Variants in DPP6 observed in about 807,000 individuals in gnomAD.
DPP6 encodes dipeptidyl peptidase like 6.
A neutral mutation model predicts 122.6 loss-of-function variants in DPP6; 69 were observed. The observed-to-expected ratio is 0.56, with a 90% CI of 0.46 to 0.69. The LOEUF (loss-of-function observed/expected upper bound fraction) is 0.69. DPP6 is among the 30% of genes least tolerant of loss of function. The pLI, the probability that DPP6 is intolerant of heterozygous loss-of-function variation, is 0.00. For synonymous variants in DPP6, 418 were observed against 433.1 expected, an observed-to-expected ratio of 0.97 and a Z score of 0.43; for missense variants, 928 against 1,116.9, an observed-to-expected ratio of 0.83 and a Z score of 2.41.
the DPP6 span, among the ~76,000 whole-genome samples, chr7:153,816,883 T>C: frequency 6.6e-6 from 1 of 151,960 alleles, no homozygotes; most frequent in Non-Finnish European, 1.5e-5. Flanking sequence ...TCTCCCCGTC[T>C]CCCAACTGTA....
At chr7:154,115,570 C>G (rs1806926250) in intron 1 of DPP6, among the ~76,000 whole-genome samples, 1 of 152,156 alleles carries the variant, frequency 6.6e-6, no homozygotes, top group Non-Finnish European at 1.5e-5. Flanking sequence ...TGGGTGGGGT[C>G]TACTCCTGAG....
chr7:154,078,038 G>A (rs1803697271), intron 1 of DPP6, among the ~76,000 whole-genome samples: 1 of 152,086 alleles, frequency 6.6e-6, no homozygotes, highest in Admixed American at 6.6e-5. Context: ...AGTATCCTCT[G>A]TAAACTTAGA....
chr7:154,284,807 A>T (rs898713567), intron 1 of DPP6, among the ~76,000 whole-genome samples: 1 of 152,226 alleles, frequency 6.6e-6, no homozygotes, highest in African/African-American at 2.4e-5. Flanking sequence ...GTGAGCAAAG[A>T]CTGGGCCACT....
chr7:154,314,193 A>T (rs180968969), intron 1 of DPP6, among the ~76,000 whole-genome samples: 1 of 152,190 alleles, frequency 6.6e-6, no homozygotes, highest in East Asian at 1.9e-4. Flanking sequence ...TAGCTGAGGG[A>T]TATTGGACAG....
intron 1 of DPP6, among the ~76,000 whole-genome samples, chr7:154,249,381 C>T (rs1358013797): frequency 6.6e-6 from 1 of 152,142 alleles, no homozygotes; most frequent in Non-Finnish European, 1.5e-5. Context: ...TATTAATTAA[C>T]CCGGAGAAAC....
chr7:154,539,564 T>C (rs996492720), intron 3 of DPP6, among the ~76,000 whole-genome samples: 11 of 151,590 alleles, frequency 7.3e-5, no homozygotes, highest in Non-Finnish European at 1.6e-4. Context: ...CACACCAACA[T>C]GGCACATGTA....
At chr7:154,383,461 G>A (rs953974667) in intron 1 of DPP6, among the ~76,000 whole-genome samples, 10 of 152,116 alleles carry the variant, frequency 6.6e-5, no homozygotes, top group African/African-American at 2.4e-4. Context: ...CACCGTCGAG[G>A]GCATGTTGAT....
At chr7:154,619,049 C>T (rs1162358903) in intron 5 of DPP6, among the ~76,000 whole-genome samples, 4 of 152,304 alleles carry the variant, frequency 2.6e-5, no homozygotes, top group South Asian at 4.1e-4. Context: ...ACACATTCTC[C>T]TGCCTGCTGC....
At chr7:153,869,784 G>A in the DPP6 span, among the ~76,000 whole-genome samples, 2 of 152,198 alleles carry the variant, frequency 1.3e-5, no homozygotes, top group Non-Finnish European at 2.9e-5. Flanking sequence ...TGCAGTGGCT[G>A]GTACTGGTTG....
chr7:154,341,809 T>C (rs1809958808), intron 1 of DPP6, among the ~76,000 whole-genome samples: 1 of 152,026 alleles, frequency 6.6e-6, no homozygotes, highest in Non-Finnish European at 1.5e-5. Context: ...TGTTCCTTGG[T>C]TACCTTCTCC....
chr7:154,728,376 C>A (rs1057227763), intron 8 of DPP6, among the ~76,000 whole-genome samples: 2 of 152,210 alleles, frequency 1.3e-5, no homozygotes, highest in Non-Finnish European at 2.9e-5. Flanking sequence ...AGCGCCTCCA[C>A]CTTGCTGGAC....
intron 1 of DPP6, among the ~76,000 whole-genome samples, chr7:154,290,485 C>T (rs915990659): frequency 6.6e-6 from 1 of 152,074 alleles, no homozygotes; most frequent in Non-Finnish European, 1.5e-5. Context: ...TGCCACCCCC[C>T]TGCCTTGCAC....
chr7:154,665,732 A>G (rs1409147902), intron 6 of DPP6, among the ~76,000 whole-genome samples: 2 of 152,140 alleles, frequency 1.3e-5, no homozygotes, highest in Non-Finnish European at 2.9e-5. Flanking sequence ...ACCCATGGAC[A>G]CACACATATC....
the DPP6 span, among the ~76,000 whole-genome samples, chr7:153,836,314 T>C: frequency 6.6e-6 from 1 of 152,100 alleles, no homozygotes; most frequent in African/African-American, 2.4e-5. Context: ...CAATATTATC[T>C]ATCAAAGCTA....
intron 7 of DPP6, among the ~76,000 whole-genome samples, chr7:154,677,719 G>A (rs1361595133): frequency 6.6e-6 from 1 of 152,234 alleles, no homozygotes; most frequent in African/African-American, 2.4e-5. Flanking sequence ...TGGCACTGCA[G>A]CAGCAGCACA....
At chr7:154,027,650 C>T (rs1585197400) in intron 1 of DPP6, among the ~76,000 whole-genome samples, 2 of 151,944 alleles carry the variant, frequency 1.3e-5, no homozygotes, top group East Asian at 3.9e-4. Flanking sequence ...ATGCCACTCC[C>T]CATGCTTTCT....
At chr7:154,044,312 A>C (rs1799912137) in intron 1 of DPP6, among the ~76,000 whole-genome samples, 1 of 152,216 alleles carries the variant, frequency 6.6e-6, no homozygotes, top group African/African-American at 2.4e-5. Flanking sequence ...GTGCTGATAA[A>C]GTTACAGTCC....
intron 2 of DPP6, among the ~76,000 whole-genome samples, chr7:154,455,027 T>C (rs929622155): frequency 6.6e-6 from 1 of 152,158 alleles, no homozygotes; most frequent in African/African-American, 2.4e-5. Flanking sequence ...CAAGGCAGAT[T>C]CAGTGCTCGT....
chr7:154,769,713 A>G, intron 9 of DPP6, 142 bp downstream of exon 9: 1 of 1,156,686 alleles, frequency 8.6e-7, no homozygotes, highest in African/African-American at 1.6e-5. Flanking sequence ...ATGTCTCATT[A>G]CATTGCATTA....
Sources: allele counts gnomAD v4.1 joint callset (sites outside exome capture counted in the v4.1 genomes callset), GRCh38; gene constraint gnomAD v4.1.1; transcripts MANE v1.5; gene names NCBI Gene and HGNC (gene_info 2026-07-23, HGNC 2026-07-21).